The following MBD3 variants were observed in gnomAD, a reference collection of about 807,000 sequenced individuals.
The protein encoded by MBD3 is methyl-CpG-binding domain protein 3.
In MBD3, 13 loss-of-function variants were observed where a neutral mutation model predicts 31.2. That is an observed-to-expected ratio of 0.42 (90% CI 0.27 to 0.66). MBD3 has a LOEUF of 0.66. MBD3 is among the 30% of genes least tolerant of loss of function. The pLI is 0.26. For synonymous variants in MBD3, 223 were observed against 187.4 expected, an observed-to-expected ratio of 1.19 and a Z score of -1.55; for missense variants, 440 against 426.5, an observed-to-expected ratio of 1.03 and a Z score of -0.28.
rs764717510 is a variant in MBD3 at position 1,592,503 on chromosome 19, G to GC, written c.110+18_110+19insG. Reference sequence around the variant, plus strand: ...GGAGGAGCCCGTTGAGGCCCTGCGCGGCCGGCGCGCTCATTCACCTATAGT... The same window carrying GC: ...GGAGGAGCCCGTTGAGGCCCTGCGCGCGCCGGCGCGCTCATTCACCTATAGT... On this transcript the variant is annotated intron_variant, in intron 1 of 6. Transcript: ENST00000434436. 1 of 1,350,416 alleles carries GC rather than the reference G, an allele frequency of 7.4e-7. No homozygotes were observed. Among genetic ancestry groups the GC allele is most frequent in the South Asian group, 1.3e-5 (1 of 79,082 alleles). 83.7% of individuals were successfully genotyped at this position (1,350,416 alleles called of 1,614,324 possible). A position where few individuals can be genotyped will look rare whatever the true frequency, so the allele number is the denominator to read the frequency against.
chr19:1,582,650 C>G lies in MBD3; in HGVS notation c.471G>C (p.Lys157Asn). The change falls in exon 4 of 7, where the codon AAG (lysine) becomes AAC (asparagine). Residue 157 changes from lysine (K) to asparagine (N), a missense_variant. By Grantham distance (94) the Lys-to-Asn change is moderately conservative. Around this residue, in one of 3 missense-constraint regions of MBD3, gnomAD observed 144 missense variants for 196.9 expected, o/e 0.73. Transcript: ENST00000434436. Reference protein sequence around the residue: ...NAFDIAEELVKTMDLPKGLQG... With the variant: ...NAFDIAEELVNTMDLPKGLQG... ...GCAGGCCCTTGGGGAGGTCCATGGT[C>G]TTGACCAGCTCCTCAGCAATGTCGA... The G allele has an allele frequency of 6.2e-7, 1 of 1,614,068 alleles. No homozygotes were observed. The highest frequency in any genetic ancestry group is 8.5e-7 in the Non-Finnish European group (1 of 1,180,024).
Position 1,578,329 on chromosome 19 carries a change from C to A in MBD3, c.*5+6G>T, listed in dbSNP as rs372484409. 33 of 1,601,982 alleles carry A rather than the reference C, an allele frequency of 2.1e-5. No homozygotes were observed. Among genetic ancestry groups the A allele is most frequent in the Non-Finnish European group, 2.8e-5 (33 of 1,179,724 alleles). ...ACTCCAGGGAGCCCCCGTGGCCCCG[C>A]AGCACCTGCCCTAGACGTGCTCCAT... On this transcript the variant is annotated splice_donor_region_variant and intron_variant, in intron 6 of 6. Coordinates refer to ENST00000434436, the MANE Select transcript of MBD3 (RefSeq NM_001281453.2). This position sits in a 1 kb window ranked among gnomAD's most constrained non-coding sequence, Gnocchi z 6.1.
At position 1,582,694 on chromosome 19, in the gene MBD3, G is replaced by C; in HGVS notation, c.427C>G (p.Leu143Val). 3.1e-6 allele frequency: 5 copies of C among 1,613,874 alleles called. No homozygotes were observed. The highest frequency in any genetic ancestry group is 2.2e-5 in the East Asian group (1 of 44,876). ...ATGTCGAAGGCGTTCAGGCCGCTCA[G>C]CTTCTTCTCCCAGAAGAGCTGCCCC... ...QPRQLFWEKK[L>V]SGLNAFDIAE... Residue 143 changes from leucine (L) to valine (V), a missense_variant, in exon 4 of 7, where the codon CTG (leucine) becomes GTG (valine). Physicochemically the swap from Leu to Val is conservative, Grantham distance 32 (BLOSUM62 1). Coordinates refer to ENST00000434436, the MANE Select transcript of MBD3 (RefSeq NM_001281453.2).
chr19:1,582,820 T>A, intron 3 of MBD3, 108 bp from the exon 4 acceptor site: 2 of 916,964 alleles, frequency 2.2e-6, no homozygotes, highest in Non-Finnish European at 3.5e-6. Flanking sequence ...CCCATGTGGG[T>A]CCCAATGGGG....
At chr19:1,582,051 G>C (rs1164918919) in intron 4 of MBD3, among the ~76,000 whole-genome samples, 1 of 152,124 alleles carries the variant, frequency 6.6e-6, no homozygotes, top group Non-Finnish European at 1.5e-5. Flanking sequence ...ACAGGCGTGA[G>C]CCACTGCACC....
chr19:1,578,056 G>C lies in MBD3; in HGVS notation c.*108C>G. 1 of 552,270 alleles carries C rather than the reference G, an allele frequency of 1.8e-6. No homozygotes were observed. The highest frequency in any genetic ancestry group is 3.3e-6 in the Non-Finnish European group (1 of 307,264). 34.2% of individuals were successfully genotyped at this position (552,270 alleles called of 1,614,324 possible). Reference sequence around the variant, plus strand: ...GCCAGGAGCACGGCCTTCCTCCTGGGTGTCTCCAAGGCTGGGCTTCGCCGC... The same window carrying C: ...GCCAGGAGCACGGCCTTCCTCCTGGCTGTCTCCAAGGCTGGGCTTCGCCGC... On this transcript the variant is annotated 3_prime_UTR_variant, in exon 7 of 7. Coordinates refer to ENST00000434436, the MANE Select transcript of MBD3 (RefSeq NM_001281453.2). This position sits in a 1 kb window ranked among gnomAD's most constrained non-coding sequence, Gnocchi z 6.1.
In MBD3 at chr19:1,578,372, GCTCCTC is replaced by G. The variant is rs371220154; in HGVS notation, c.838_843del (p.Glu280_Glu281del). On this transcript the variant is annotated inframe_deletion, in exon 6 of 7. Coordinates refer to ENST00000434436, the MANE Select transcript of MBD3 (RefSeq NM_001281453.2). The surrounding 1 kb of genome is among the most constrained non-coding windows in gnomAD (Gnocchi z 6.1). ...TGCTCCATCTCCGGGTCCGGGTCGGGCTCCTCCTCCTCCTCCTCCTCGTCTTCCTCG... is the reference window on the plus strand; with the variant it reads ...TGCTCCATCTCCGGGTCCGGGTCGGGCTCCTCCTCCTCCTCGTCTTCCTCG... 221 of 1,601,028 alleles carry G rather than the reference GCTCCTC, an allele frequency of 1.4e-4. No individual in the cohort carries two copies. The highest frequency in any genetic ancestry group is 1.6e-4 in the Non-Finnish European group (188 of 1,177,944).
chr19:1,592,187 AC>A (rs1225660471), intron 1 of MBD3: 2 of 152,302 alleles, frequency 1.3e-5, no homozygotes, highest in Non-Finnish European at 2.9e-5. Flanking sequence ...CCTGCGTCTC[AC>A]GGGAACCAAA....
intron 5 of MBD3, among the ~76,000 whole-genome samples, chr19:1,580,544 T>G (rs1246884700): frequency 6.6e-6 from 1 of 152,222 alleles, no homozygotes; most frequent in African/African-American, 2.4e-5. Flanking sequence ...TTCCAGAGTT[T>G]CCTGCAGGCG....
Position 1,582,808 on chromosome 19 carries a change from GC to G in MBD3, c.409-97del, listed in dbSNP as rs1425018101. The G allele has an allele frequency of 2.8e-6, 3 of 1,090,082 alleles. No individual in the cohort carries two copies. The East Asian group carries it at 7.7e-5, about 28-fold the overall frequency. The allele number at this position is 1,090,082 out of a possible 1,614,324, so 67.5% of individuals were successfully genotyped here. A position where few individuals can be genotyped will look rare whatever the true frequency, so the allele number is the denominator to read the frequency against. ...CCAGGGAGGCCCACCTGGCCTCCTT[GC>G]CCCATGTGGGTCCCAATGGGGCATC... is the stretch of plus-strand genomic sequence containing the variant. On this transcript the variant is annotated intron_variant, in intron 3 of 6. Coordinates refer to ENST00000434436, the MANE Select transcript of MBD3 (RefSeq NM_001281453.2).
rs542146483 is a variant in MBD3, at chr19:1,578,833, G to A, written c.678-295C>T. On this transcript the variant is annotated intron_variant, in intron 5 of 6. Transcript: ENST00000434436. This position sits in a 1 kb window ranked among gnomAD's most constrained non-coding sequence, Gnocchi z 6.1. ...CCCAGACTTGGCCCTGAGCCTCCCCGGGGCTCAGCTGTGTAAACCCTTGCT... is the reference window on the plus strand; with the variant it reads ...CCCAGACTTGGCCCTGAGCCTCCCCAGGGCTCAGCTGTGTAAACCCTTGCT... Among the ~76,000 whole-genome samples, 2 of 152,142 alleles carry A rather than the reference G, an allele frequency of 1.3e-5. No individual in the cohort carries two copies. Among genetic ancestry groups the A allele is most frequent in the East Asian group, 1.9e-4 (1 of 5,172 alleles).
Position 1,576,683 on chromosome 19 carries a change from G to A in MBD3, c.*1481C>T, listed in dbSNP as rs953568893. The A allele has an allele frequency of 1.3e-5, 2 of 152,346 alleles. No homozygotes were observed. Among genetic ancestry groups the A allele is most frequent in the African/African-American group, 4.8e-5 (2 of 41,458 alleles). 9.4% of individuals were successfully genotyped at this position (152,346 alleles called of 1,614,324 possible). On this transcript the variant is annotated 3_prime_UTR_variant, in exon 7 of 7. Coordinates refer to ENST00000434436, the MANE Select transcript of MBD3 (RefSeq NM_001281453.2). ...GGACGCACCGAACTCCAGGCTCCAA[G>A]CACATCCACCCATGGTGGCTTTATT...
chr19:1,587,292 G>A (rs1024305362), intron 1 of MBD3, among the ~76,000 whole-genome samples: 1 of 151,912 alleles, frequency 6.6e-6, no homozygotes, highest in East Asian at 1.9e-4. Context: ...AATAGAGATA[G>A]GGTCTCACCA....
At chr19:1,591,684 CTT>C (rs1461834761) in intron 1 of MBD3, among the ~76,000 whole-genome samples, 1 of 151,352 alleles carries the variant, frequency 6.6e-6, no homozygotes, top group Non-Finnish European at 1.5e-5. Context: ...TCAAAAGCAT[CTT>C]TCCCGAGCCA....
intron 1 of MBD3, chr19:1,586,211 G>A (rs1478437827): frequency 6.6e-6 from 1 of 152,254 alleles, no homozygotes. Context: ...GATGTCCCCA[G>A]GAGCCAGAAG....
chr19:1,578,283 A>C lies in MBD3; in HGVS notation c.*5+52T>G. 6.3e-7 allele frequency: 1 copy of C among 1,597,990 alleles called. No homozygotes were observed. Among genetic ancestry groups the C allele is most frequent in the East Asian group, 2.2e-5 (1 of 44,838 alleles). ...CCAAGCACATCTGTGTTCACCAGGC[A>C]GTCCCCACTGCCAGGACCCGACTCC... On this transcript the variant is annotated intron_variant, in intron 6 of 6. Coordinates refer to ENST00000434436, the MANE Select transcript of MBD3 (RefSeq NM_001281453.2). The surrounding 1 kb of genome is among the most constrained non-coding windows in gnomAD (Gnocchi z 6.1).
In MBD3 at chr19:1,592,621, T is replaced by C; in HGVS notation, c.11A>G (p.Lys4Arg). ...CGGGAGCGCCGGGCACTCCCACCTC[T>C]TCCGCTCCATTGCGCCCGGCTCCTC... is the stretch of plus-strand genomic sequence containing the variant. Reference protein sequence around the residue: MERKRWECPALPQG... With the variant: MERRRWECPALPQG... The change falls in exon 1 of 7, where the codon AAG becomes AGG. Residue 4 changes from lysine to arginine, a missense_variant. By Grantham distance (26) the Lys-to-Arg change is conservative. Around this residue, in one of 3 missense-constraint regions of MBD3, gnomAD observed 179 missense variants for 134.7 expected, o/e 1.33. Coordinates refer to ENST00000434436, the MANE Select transcript of MBD3 (RefSeq NM_001281453.2). 7.5e-7 allele frequency: 1 copy of C among 1,338,206 alleles called. No homozygotes were observed. Among genetic ancestry groups the C allele is most frequent in the East Asian group, 4.4e-5 (1 of 22,802 alleles). The allele number at this position is 1,338,206 out of a possible 1,614,324, so 82.9% of individuals were successfully genotyped here.
At position 1,582,610 on chromosome 19, in the gene MBD3, G is replaced by T; in HGVS notation, c.499+12C>A. On this transcript the variant is annotated intron_variant, in intron 4 of 6. Coordinates refer to ENST00000434436, the MANE Select transcript of MBD3 (RefSeq NM_001281453.2). The stretch of plus-strand genomic sequence containing the variant: ...ACATCCCCTTCCGCCTCCCCTCAGG[G>T]TGCCCGCTCACCCTGCAGGCCCTTG... The T allele has an allele frequency of 6.2e-7, 1 of 1,612,898 alleles. No homozygotes were observed. The highest frequency in any genetic ancestry group is 8.5e-7 in the Non-Finnish European group (1 of 1,179,672).
Position 1,581,190 on chromosome 19 carries a change from C to T in MBD3, c.579G>A (p.Thr193=), listed in dbSNP as rs750582160. The T allele has an allele frequency of 1.1e-5, 17 of 1,613,898 alleles. No homozygotes were observed. The highest frequency in any genetic ancestry group is 8.0e-5 in the African/African-American group (6 of 74,944). Residue 193 remains threonine (T), a synonymous_variant, in exon 5 of 7, where the codon ACG becomes ACA. Transcript: ENST00000434436. ...TCTCCACGGCGGCCGAGAGCTGTCC[C>T]GTGATGGGCATGGTGCTAGTGTGCA... The part of the protein sequence containing the change: ...SALHTSTMPI[T]GQLSAAVEKN...
Sources: gnomAD v4.1 joint callset for allele counts (sites outside exome capture counted in the v4.1 genomes callset) on GRCh38, gnomAD v4.1.1 for gene constraint, gnomAD v4.1.1 regional missense constraint, Gnocchi (gnomAD v3.1) non-coding constraint, MANE v1.5 for transcripts, NCBI Gene and HGNC (gene_info 2026-07-23, HGNC 2026-07-21) for gene names.